D2HGDH: variants seen among roughly 807,000 people sequenced by gnomAD.
D2HGDH encodes D-2-hydroxyglutarate dehydrogenase, also known as D-2-hydroxyglutarate dehydrogenase, mitochondrial.
In D2HGDH, 31 loss-of-function variants were observed where a neutral mutation model predicts 46.9. The ratio of observed to expected loss-of-function variants is 0.66; its 90% CI spans 0.50 to 0.89. The LOEUF (loss-of-function observed/expected upper bound fraction) is 0.89. Among genes scored for constraint, D2HGDH ranks in the 40% least tolerant of loss-of-function variants. The pLI, the probability that D2HGDH is intolerant of heterozygous loss-of-function variation, is 0.00. For synonymous variants in D2HGDH, 364 were observed against 332.6 expected, an observed-to-expected ratio of 1.09 and a Z score of -1.03; for missense variants, 698 against 720.8, an observed-to-expected ratio of 0.97 and a Z score of 0.36.
At chr2:241,744,407 G>C (rs1465325237) in intron 5 of D2HGDH, among the ~76,000 whole-genome samples, 1 of 152,210 alleles carries the variant, frequency 6.6e-6, no homozygotes, top group Non-Finnish European at 1.5e-5. Flanking sequence ...CACAGGACTC[G>C]GAGAGGCCCA....
Position 241,751,293 on chromosome 2 carries a change from CA to C in D2HGDH, c.1046del (p.His349LeufsTer19). 6.2e-7 allele frequency: 1 copy of C among 1,614,018 alleles called. No individual in the cohort carries two copies. Among genetic ancestry groups the C allele is most frequent in the Non-Finnish European group, 8.5e-7 (1 of 1,180,044 alleles). On this transcript the variant is annotated frameshift_variant, in exon 8 of 10. Coordinates refer to ENST00000321264, the MANE Select transcript of D2HGDH (RefSeq NM_152783.5). LOFTEE classifies it high-confidence loss of function. ...CGAGACTTCAGGCTCCAACGCAGGC[CA>C]TGACGCTGAGAAGCTGGGCCACTTC... ...LIETSGSNAG[H>X]DAEKLGHFLE...
At chr2:241,738,762 C>T (rs1397297731) in intron 2 of D2HGDH, among the ~76,000 whole-genome samples, 3 of 152,244 alleles carry the variant, frequency 2.0e-5, no homozygotes, top group Non-Finnish European at 2.9e-5. Flanking sequence ...GGGCGCCTTC[C>T]TCTGCGTCCT....
chr2:241,745,530 A>G (rs35532480), intron 6 of D2HGDH, among the ~76,000 whole-genome samples: 83,645 of 152,150 alleles, frequency 0.55, 24,802 homozygotes, highest in African/African-American at 0.79. Flanking sequence ...TTGAGCTGCC[A>G]GAAGCTTGGG....
chr2:241,750,911 C>T (rs1266462880), intron 7 of D2HGDH, among the ~76,000 whole-genome samples: 1 of 152,192 alleles, frequency 6.6e-6, no homozygotes, highest in Non-Finnish European at 1.5e-5. Context: ...GCACCTGCCA[C>T]CACACTCAGC....
chr2:241,747,671 G>A (rs1193592703), intron 6 of D2HGDH, among the ~76,000 whole-genome samples: 1 of 151,540 alleles, frequency 6.6e-6, no homozygotes, highest in Non-Finnish European at 1.5e-5. Flanking sequence ...TGCACTGAAG[G>A]GATCCTCCTG....
chr2:241,753,158 G>A (rs780907018), intron 8 of D2HGDH, among the ~76,000 whole-genome samples: 14 of 152,224 alleles, frequency 9.2e-5, no homozygotes, highest in African/African-American at 2.2e-4. Context: ...CTGTCACCTC[G>A]TTCTGGCTCA....
chr2:241,751,207 G>A lies in D2HGDH; in HGVS notation c.998-39G>A, dbSNP rs367563480. The A allele has an allele frequency of 3.7e-5, 60 of 1,613,336 alleles. No individual in the cohort carries two copies. The African/African-American group carries it at 5.9e-4, about 16-fold the overall frequency. ...AGCCCTGATTCTTGCCCTGGCAGCC[G>A]GAGCCTCTGCTCACTCTGCCTTCCT... On this transcript the variant is annotated intron_variant, in intron 7 of 9. Transcript: ENST00000321264.
chr2:241,749,909 T>G (rs771803219), intron 6 of D2HGDH: 30 of 586,746 alleles, frequency 5.1e-5, no homozygotes, highest in Non-Finnish European at 9.4e-5. Flanking sequence ...TCTCCTGATC[T>G]GATGCTGGTG....
In D2HGDH at chr2:241,768,009, C is replaced by A; in HGVS notation, c.*40C>A. 1.1e-5 allele frequency: 17 copies of A among 1,549,756 alleles called. No individual in the cohort carries two copies. The highest frequency in any genetic ancestry group is 1.5e-5 in the Non-Finnish European group (17 of 1,153,600). ...GCTGCCAAGGCCCACTGGGGGTCGG[C>A]GGGTGGCTCTCGGGCGGGGGTGTTG... On this transcript the variant is annotated 3_prime_UTR_variant, in exon 10 of 10. Transcript: ENST00000321264.
intron 9 of D2HGDH, among the ~76,000 whole-genome samples, chr2:241,759,334 G>A (rs1399791642): frequency 1.3e-5 from 2 of 152,210 alleles, no homozygotes; most frequent in Non-Finnish European, 2.9e-5. Flanking sequence ...TTCTGGAGAC[G>A]TGTTCTTAGG....
chr2:241,740,414 C>A (rs1035513959), intron 2 of D2HGDH, among the ~76,000 whole-genome samples: 1 of 152,204 alleles, frequency 6.6e-6, no homozygotes, highest in East Asian at 1.9e-4. Context: ...GGTGGGCAAC[C>A]TTGGAGCTGC....
chr2:241,767,826 G>T lies in D2HGDH; in HGVS notation c.1423G>T (p.Glu475Ter). 3 of 1,612,510 alleles carry T rather than the reference G, an allele frequency of 1.9e-6. No individual in the cohort carries two copies. Among genetic ancestry groups the T allele is most frequent in the Non-Finnish European group, 2.5e-6 (3 of 1,179,558 alleles). ...TAGQQGSVSA[E>*]HGVGFRKRDV... ...CGGGCAGCAGGGCAGCGTCAGCGCG[G>T]AGCACGGAGTGGGCTTCAGGAAGAG... Residue 475 changes from glutamate (E) to a stop codon, truncating the protein, a stop_gained, in exon 10 of 10, where the codon GAG becomes TAG. Transcript: ENST00000321264. LOFTEE classifies it high-confidence loss of function.
At position 241,743,731 on chromosome 2, in the gene D2HGDH, C is replaced by G. The variant is rs775046649; in HGVS notation, c.600C>G (p.Ile200Met). Residue 200 changes from isoleucine to methionine, a missense_variant, in exon 5 of 10, where the codon ATC (isoleucine) becomes ATG (methionine). Coordinates refer to ENST00000321264, the MANE Select transcript of D2HGDH (RefSeq NM_152783.5). This position sits in a 1 kb window ranked among gnomAD's most constrained non-coding sequence, Gnocchi z 4.8. ...TAGGAGCCAAGGGCAGCTGCCACAT[C>G]GGGGGAAACGTGGCAACCAACGCTG... ...LDLGAKGSCH[I>M]GGNVATNAGG... 5.0e-5 allele frequency: 81 copies of G among 1,613,344 alleles called. No individual in the cohort carries two copies. Among genetic ancestry groups the G allele is most frequent in the Non-Finnish European group, 6.6e-5 (78 of 1,179,826 alleles).
intron 2 of D2HGDH, among the ~76,000 whole-genome samples, chr2:241,740,098 T>C (rs200097279): frequency 6.6e-6 from 1 of 152,312 alleles, no homozygotes; most frequent in East Asian, 1.9e-4. Flanking sequence ...TGAGCTGTGA[T>C]TGTGTCACTG....
At chr2:241,755,455 C>G in intron 8 of D2HGDH, 1 of 1,314,876 alleles carries the variant, frequency 7.6e-7, no homozygotes, top group Non-Finnish European at 1.0e-6. Flanking sequence ...CACTCTGTGC[C>G]GTGTCATGAC....
At chr2:241,760,458 T>G (rs113584174) in intron 9 of D2HGDH, among the ~76,000 whole-genome samples, 1 of 125,928 alleles carries the variant, frequency 7.9e-6, no homozygotes, top group Non-Finnish European at 1.6e-5. Flanking sequence ...CGCAATCAGT[T>G]GAAGGCTTTT....
chr2:241,764,196 T>TG (rs1390320112), intron 9 of D2HGDH, among the ~76,000 whole-genome samples: 9 of 126,546 alleles, frequency 7.1e-5, no homozygotes, highest in Middle Eastern at 3.6e-3. Context: ...GGGCGGGGAC[T>TG]GGGGGGCGAC....
rs780375139 is a variant in D2HGDH at position 241,743,591 on chromosome 2, A to G, written c.491-31A>G. ...CAGCCCGGGGGCCCACTGGAAGCCA[A>G]GTGCTGCGGCAGCCTGGTCACTCTC... is the stretch of plus-strand genomic sequence containing the variant. On this transcript the variant is annotated intron_variant, in intron 4 of 9. Transcript: ENST00000321264. The surrounding 1 kb of genome is among the most constrained non-coding windows in gnomAD (Gnocchi z 4.8). The G allele has an allele frequency of 1.2e-6, 2 of 1,605,150 alleles. No individual in the cohort carries two copies. Among genetic ancestry groups the G allele is most frequent in the South Asian group, 1.1e-5 (1 of 89,576 alleles).
intron 1 of D2HGDH, 189 bp downstream of exon 1, chr2:241,734,884 G>A (rs550554472): frequency 7.3e-6 from 2 of 272,516 alleles, no homozygotes; most frequent in Non-Finnish European, 6.9e-6. Flanking sequence ...GATCCCCTCG[G>A]GGGGCGAGCT....
Sources: allele counts gnomAD v4.1 joint callset (sites outside exome capture counted in the v4.1 genomes callset), GRCh38; gene constraint gnomAD v4.1.1; non-coding constraint Gnocchi (gnomAD v3.1); transcripts MANE v1.5; gene names NCBI Gene and HGNC (gene_info 2026-07-23, HGNC 2026-07-21).